CDC42SE2: variants seen among roughly 807,000 people sequenced by gnomAD.
CDC42SE2 encodes CDC42 small effector protein 2.
Under a neutral mutation model 11.5 loss-of-function variants are expected in CDC42SE2, and 3 were observed. That is an observed-to-expected ratio of 0.26 (90% CI 0.12 to 0.67). CDC42SE2 has a LOEUF of 0.67. Ranked by LOEUF, CDC42SE2 falls within the 30% of genes least tolerant of loss-of-function variation. The probability of loss-of-function intolerance (pLI) is 0.80; values close to 1 mark genes in which losing one functional copy is unlikely to be tolerated. For synonymous variants in CDC42SE2, 33 were observed against 34.8 expected (o/e 0.95, Z 0.18); for missense variants, 82 against 106.8 (o/e 0.77, Z 1.02).
chr5:131,351,815 A>G (rs941967128), intron 2 of CDC42SE2, among the ~76,000 whole-genome samples: 15 of 152,222 alleles, frequency 9.9e-5, no homozygotes, highest in African/African-American at 3.6e-4. Context: ...TAAGAGATAA[A>G]ACTTATGCAT....
chr5:131,213,589 C>T, the CDC42SE2 span, among the ~76,000 whole-genome samples: 1 of 152,080 alleles, frequency 6.6e-6, no homozygotes, highest in Admixed American at 6.6e-5. Context: ...GCTGGGACTA[C>T]AGGTGCACAC....
intron 2 of CDC42SE2, among the ~76,000 whole-genome samples, chr5:131,336,882 T>G (rs570867082): frequency 6.6e-6 from 1 of 152,334 alleles, no homozygotes; most frequent in African/African-American, 2.4e-5. Flanking sequence ...CTAATTTTTT[T>G]CAAAGTTTTT....
intron 1 of CDC42SE2, among the ~76,000 whole-genome samples, chr5:131,271,334 C>T (rs1048652053): frequency 1.3e-5 from 2 of 151,986 alleles, no homozygotes; most frequent in African/African-American, 4.8e-5. Flanking sequence ...GTAGACCCTC[C>T]AAATCATCAG....
At chr5:131,365,220 G>A (rs906804942) in intron 3 of CDC42SE2, among the ~76,000 whole-genome samples, 1 of 152,040 alleles carries the variant, frequency 6.6e-6, no homozygotes, top group South Asian at 2.1e-4. Flanking sequence ...AGACTGGGAG[G>A]CGAGGGTTGC....
In CDC42SE2 at chr5:131,359,553, T is replaced by A. The variant is rs1455265807; in HGVS notation, c.54+6T>A. ...TTGCAGAACAGCCTCAGCCTGTAAG[T>A]ATGAAGTATGTGGACACATCAGGTG... On this transcript the variant is annotated splice_donor_region_variant and intron_variant, in intron 3 of 4. Transcript: ENST00000505065. The A allele has an allele frequency of 6.2e-7, 1 of 1,606,904 alleles. No homozygotes were observed. Among genetic ancestry groups the A allele is most frequent in the Non-Finnish European group, 8.5e-7 (1 of 1,173,432 alleles).
At chr5:131,290,388 AT>A (rs1330147565) in intron 1 of CDC42SE2, among the ~76,000 whole-genome samples, 9 of 151,224 alleles carry the variant, frequency 6.0e-5, no homozygotes, top group Non-Finnish European at 2.9e-5. Context: ...TCGTGTATTT[AT>A]CTTTTGAAGT....
chr5:131,294,618 G>A (rs1160861655), intron 1 of CDC42SE2, among the ~76,000 whole-genome samples: 2 of 152,064 alleles, frequency 1.3e-5, no homozygotes, highest in African/African-American at 4.8e-5. Context: ...GGAGGGAGAT[G>A]GTGACTACTA....
intron 2 of CDC42SE2, among the ~76,000 whole-genome samples, chr5:131,355,667 CT>C (rs1281712008): frequency 6.6e-6 from 1 of 151,996 alleles, no homozygotes; most frequent in East Asian, 1.9e-4. Flanking sequence ...ACTGAGCGTA[CT>C]TAATACCTGA....
chr5:131,355,513 G>C (rs752279702), intron 2 of CDC42SE2, among the ~76,000 whole-genome samples: 10 of 152,014 alleles, frequency 6.6e-5, no homozygotes, highest in Non-Finnish European at 1.5e-4. Context: ...AGAAGAGAGA[G>C]AAGAGAGGGA....
intron 1 of CDC42SE2, among the ~76,000 whole-genome samples, chr5:131,285,036 C>T (rs1757312784): frequency 6.6e-6 from 1 of 151,712 alleles, no homozygotes; most frequent in African/African-American, 2.4e-5. Context: ...TCCTGTAATC[C>T]CAGCACTTTG....
At chr5:131,380,004 G>T (rs190371763) in intron 3 of CDC42SE2, among the ~76,000 whole-genome samples, 1 of 148,680 alleles carries the variant, frequency 6.7e-6, no homozygotes, top group African/African-American at 2.5e-5. Flanking sequence ...ACCTCTCCCC[G>T]CCAACCCCCC....
rs144757400 is a variant in CDC42SE2 at position 131,348,726 on chromosome 5, A to C, written c.-285-10483A>C. ...AGAACAAAGGTGGAGGCATCACACT[A>C]TCTGACTTCAAACTATACTACAAGG... On this transcript the variant is annotated intron_variant, in intron 2 of 4. Coordinates refer to ENST00000505065, the MANE Select transcript of CDC42SE2 (RefSeq NM_001375635.1). Among the ~76,000 whole-genome samples the C allele has an allele frequency of 2.6e-5, 4 of 152,156 alleles. No homozygotes were observed. The East Asian group carries it at 7.7e-4, about 29-fold the overall frequency.
the CDC42SE2 span, among the ~76,000 whole-genome samples, chr5:131,224,590 T>G: frequency 5.7e-4 from 86 of 152,108 alleles, no homozygotes; most frequent in African/African-American, 2.0e-3. Context: ...AATAACCTCC[T>G]CCCTATCTCT....
chr5:131,321,262 A>T (rs1456671934), intron 2 of CDC42SE2, among the ~76,000 whole-genome samples: 1 of 152,188 alleles, frequency 6.6e-6, no homozygotes, highest in South Asian at 2.1e-4. Flanking sequence ...CAGTACTGTA[A>T]TAGTGAAGTA....
chr5:131,263,352 T>TC (rs1158052016), upstream of CDC42SE2, among the ~76,000 whole-genome samples: 1 of 152,134 alleles, frequency 6.6e-6, no homozygotes, highest in South Asian at 2.1e-4. Flanking sequence ...CTTTTGAACT[T>TC]ACGATAAAGT....
At chr5:131,377,454 C>T (rs1289319825) in intron 3 of CDC42SE2, among the ~76,000 whole-genome samples, 1 of 152,150 alleles carries the variant, frequency 6.6e-6, no homozygotes, top group African/African-American at 2.4e-5. Context: ...CAGGCGTGAG[C>T]CACCACGCCT....
intron 2 of CDC42SE2, among the ~76,000 whole-genome samples, chr5:131,350,871 A>G (rs955941804): frequency 1.3e-5 from 2 of 152,182 alleles, no homozygotes; most frequent in African/African-American, 4.8e-5. Context: ...TGGTACTGGC[A>G]TTGGATTGAC....
intron 2 of CDC42SE2, among the ~76,000 whole-genome samples, chr5:131,332,500 A>G (rs798405): frequency 0.43 from 64,718 of 150,650 alleles, 17,905 homozygotes; most frequent in African/African-American, 0.79. Context: ...GGATGGCTGG[A>G]TCAAATGGTA....
chr5:131,246,819 C>T (rs1386795192), intron 1 of CDC42SE2, among the ~76,000 whole-genome samples: 3 of 146,514 alleles, frequency 2.0e-5, no homozygotes, highest in Non-Finnish European at 4.5e-5. Context: ...TCTCAGCTCA[C>T]CACAATCTCT....
Sources: allele counts gnomAD v4.1 joint callset (sites outside exome capture counted in the v4.1 genomes callset), GRCh38; gene constraint gnomAD v4.1.1; transcripts MANE v1.5; gene names NCBI Gene and HGNC (gene_info 2026-07-23, HGNC 2026-07-21).